YIPF1: variants seen among roughly 807,000 people sequenced by gnomAD.
YIPF1 encodes the protein Yip1 domain family member 1.
In YIPF1, 22 loss-of-function variants were observed where a neutral mutation model predicts 37.0. The observed-to-expected ratio is 0.59, with a 90% CI of 0.42 to 0.85. The LOEUF is 0.85. Among genes scored for constraint, YIPF1 ranks in the 40% least tolerant of loss-of-function variants. The pLI is 0.00. For synonymous variants in YIPF1, 128 were observed against 131.9 expected (o/e 0.97, Z 0.21); for missense variants, 355 against 373.1 (o/e 0.95, Z 0.40).
rs1260353794 is a variant in YIPF1 at position 53,866,394 on chromosome 1, G to A, written c.649-12C>T. 1 of 1,611,914 alleles carries A rather than the reference G, an allele frequency of 6.2e-7. No individual in the cohort carries two copies. Among genetic ancestry groups the A allele is most frequent in the Admixed American group, 1.7e-5 (1 of 59,848 alleles). On this transcript the variant is annotated splice_polypyrimidine_tract_variant and intron_variant, in intron 8 of 10. Coordinates refer to ENST00000072644, the MANE Select transcript of YIPF1 (RefSeq NM_018982.5). ...ATAATCCACAGTATCTGAAAGAAGA[G>A]AAAAGGAGGAGCGGGGAGTTCTTGG...
At position 53,869,730 on chromosome 1, in the gene YIPF1, T is replaced by C. The variant is rs150812389; in HGVS notation, c.481+1642A>G. Among the ~76,000 whole-genome samples, 331 of 152,320 alleles carry C rather than the reference T, an allele frequency of 2.2e-3. 2 individuals are homozygous for C. The highest frequency in any genetic ancestry group is 3.5e-3 in the Non-Finnish European group (239 of 68,022). ...CTGCAAGTCTCTAAAAGCTGTTTTG[T>C]TTTTTCTTCTAAATACCCAATACTG... is the stretch of plus-strand genomic sequence containing the variant. On this transcript the variant is annotated intron_variant, in intron 7 of 10. Coordinates refer to ENST00000072644, the MANE Select transcript of YIPF1 (RefSeq NM_018982.5).
intron 10 of YIPF1, among the ~76,000 whole-genome samples, chr1:53,855,272 C>T (rs751837609): frequency 6.6e-6 from 1 of 151,878 alleles, no homozygotes; most frequent in Non-Finnish European, 1.5e-5. Context: ...CGGACAGCCC[C>T]ACCTGTCACT....
rs148503297 is a variant in YIPF1, at chr1:53,871,466, C to T, written c.387G>A (p.Thr129=). The T allele has an allele frequency of 2.0e-5, 33 of 1,613,766 alleles. No individual in the cohort carries two copies. In the African/African-American group the frequency reaches 3.2e-4, roughly 16 times the overall value. ...CACTAATTGCTATGGCAAAGACCAA[C>T]GTGGCACATATCCAAAAGGGGCCTG... ...DLYGPFWICA[T]LVFAIAISGN... is the part of the protein sequence containing the mutation. Residue 129 remains threonine (T), a synonymous_variant, in exon 7 of 11, where the codon ACG becomes ACA. Coordinates refer to ENST00000072644, the MANE Select transcript of YIPF1 (RefSeq NM_018982.5).
intron 4 of YIPF1, among the ~76,000 whole-genome samples, chr1:53,882,591 G>T (rs1476121668): frequency 6.6e-6 from 1 of 152,024 alleles, no homozygotes; most frequent in Non-Finnish European, 1.5e-5. Context: ...CCGAGTAGCT[G>T]GGGCTACAGG....
chr1:53,884,442 G>T (rs1372203602), intron 3 of YIPF1, among the ~76,000 whole-genome samples: 1 of 152,006 alleles, frequency 6.6e-6, no homozygotes, highest in African/African-American at 2.4e-5. Context: ...AATTAATTTT[G>T]CATCCTGCTT....
chr1:53,881,949 G>A (rs143575555), intron 4 of YIPF1, among the ~76,000 whole-genome samples: 17 of 152,200 alleles, frequency 1.1e-4, no homozygotes, highest in East Asian at 7.7e-4. Context: ...GCAAAGATAC[G>A]GAATCAACCT....
Position 53,866,197 on chromosome 1 carries a change from T to C in YIPF1, c.831+3A>G. 2.5e-6 allele frequency: 4 copies of C among 1,613,660 alleles called. No homozygotes were observed. The highest frequency in any genetic ancestry group is 3.4e-6 in the Non-Finnish European group (4 of 1,179,764). ...CCAAAAGAATATACGACTGAACCCATACCAAGCAGCCCACAGAAAGCAGCA... is the reference window on the plus strand; with the variant it reads ...CCAAAAGAATATACGACTGAACCCACACCAAGCAGCCCACAGAAAGCAGCA... On this transcript the variant is annotated splice_donor_region_variant and intron_variant, in intron 9 of 10. Transcript: ENST00000072644.
At chr1:53,861,687 AGAG>A (rs1649884331) in intron 9 of YIPF1, among the ~76,000 whole-genome samples, 1 of 105,282 alleles carries the variant, frequency 9.5e-6, no homozygotes, top group African/African-American at 3.7e-5. Context: ...GAAGGGAGAG[AGAG>A]AGGGAGGGAG....
At chr1:53,878,791 G>C (rs139169650) in intron 4 of YIPF1, 69 bp from the exon 5 acceptor site, 4 of 1,438,844 alleles carry the variant, frequency 2.8e-6, no homozygotes, top group Non-Finnish European at 3.7e-6. Context: ...GTGGGGTGCA[G>C]GAGGGATCTG....
intron 7 of YIPF1, among the ~76,000 whole-genome samples, chr1:53,869,020 G>A (rs1650103665): frequency 6.6e-6 from 1 of 152,102 alleles, no homozygotes; most frequent in African/African-American, 2.4e-5. Flanking sequence ...TCAAATCAAG[G>A]TTATTTGATA....
chr1:53,870,203 G>A (rs191505713), intron 7 of YIPF1, among the ~76,000 whole-genome samples: 5 of 109,434 alleles, frequency 4.6e-5, no homozygotes, highest in Admixed American at 1.3e-4. Flanking sequence ...ACAGTGACTC[G>A]CTCTGTCACC....
intron 10 of YIPF1, among the ~76,000 whole-genome samples, chr1:53,853,521 G>C (rs1197991732): frequency 6.6e-6 from 1 of 152,216 alleles, no homozygotes; most frequent in Non-Finnish European, 1.5e-5. Flanking sequence ...GAATATGGTG[G>C]AGAATAAGTT....
At chr1:53,884,940 T>C (rs1357947894) in intron 3 of YIPF1, among the ~76,000 whole-genome samples, 1 of 152,162 alleles carries the variant, frequency 6.6e-6, no homozygotes, top group Non-Finnish European at 1.5e-5. Context: ...ATGAGCAGTT[T>C]TATGGAGAAC....
chr1:53,878,889 C>T (rs115469416), intron 4 of YIPF1, among the ~76,000 whole-genome samples, 167 bp from the exon 5 acceptor site: 1,946 of 152,224 alleles, frequency 0.013, 47 homozygotes, highest in African/African-American at 0.044. Context: ...AACTCTCAGC[C>T]TGATTAGAAA....
At chr1:53,877,681 G>A (rs1267807131) in intron 6 of YIPF1, among the ~76,000 whole-genome samples, 1 of 152,132 alleles carries the variant, frequency 6.6e-6, no homozygotes, top group Non-Finnish European at 1.5e-5. Flanking sequence ...GGGCAGAGCT[G>A]GAACTCAGCA....
chr1:53,871,965 C>A (rs563709661), intron 6 of YIPF1, among the ~76,000 whole-genome samples: 1 of 149,446 alleles, frequency 6.7e-6, no homozygotes. Flanking sequence ...AGGGCAGAGT[C>A]GATTAAACCT....
rs192541738 is a variant in YIPF1 at position 53,888,698 on chromosome 1, G to A, written c.31+209C>T. On this transcript the variant is annotated intron_variant, in intron 3 of 10. Coordinates refer to ENST00000072644, the MANE Select transcript of YIPF1 (RefSeq NM_018982.5). ...TCACTGTACTAAATTTATGATACTC[G>A]TTACCAATCTGAAGGGTTATCTGGC... is the stretch of plus-strand genomic sequence containing the variant. 2.8e-4 allele frequency among the ~76,000 whole-genome samples: 43 copies of A among 152,252 alleles called. No homozygotes were observed. The East Asian group carries it at 5.2e-3, about 18-fold the overall frequency.
chr1:53,888,823 T>C, intron 3 of YIPF1, 84 bp downstream of exon 3: 1 of 1,295,762 alleles, frequency 7.7e-7, no homozygotes, highest in South Asian at 1.6e-5. Context: ...CTTCAATGTG[T>C]GAGGCAGTAT....
In YIPF1 at chr1:53,871,416, T is replaced by C; in HGVS notation, c.437A>G (p.His146Arg). 2.5e-6 allele frequency: 4 copies of C among 1,614,062 alleles called. No individual in the cohort carries two copies. Among genetic ancestry groups the C allele is most frequent in the Non-Finnish European group, 2.5e-6 (3 of 1,179,966 alleles). ...ATAATGGTACGTCTTCTCTCCCAGATGGATCAAGAAGTTGGAAAGATTCCC... is the reference window on the plus strand; with the variant it reads ...ATAATGGTACGTCTTCTCTCCCAGACGGATCAAGAAGTTGGAAAGATTCCC... The part of the protein sequence containing the change: ...ISGNLSNFLI[H>R]LGEKTYHYVP... Residue 146 changes from histidine to arginine, a missense_variant, in exon 7 of 11, where the codon CAT becomes CGT. Coordinates refer to ENST00000072644, the MANE Select transcript of YIPF1 (RefSeq NM_018982.5).
Sources: gnomAD v4.1 joint callset for allele counts (sites outside exome capture counted in the v4.1 genomes callset) on GRCh38, gnomAD v4.1.1 for gene constraint, MANE v1.5 for transcripts, NCBI Gene and HGNC (gene_info 2026-07-23, HGNC 2026-07-21) for gene names.